The following SP2 variants were observed in gnomAD, a reference collection of about 807,000 sequenced individuals.
SP2 encodes transcription factor Sp2.
Under a neutral mutation model 50.1 loss-of-function variants are expected in SP2, and 9 were observed. The ratio of observed to expected loss-of-function variants is 0.18; its 90% CI spans 0.11 to 0.31. The LOEUF is 0.31. Among genes scored for constraint, SP2 ranks in the 10% least tolerant of loss-of-function variants. The probability of loss-of-function intolerance (pLI) is 1.00; values close to 1 mark genes in which losing one functional copy is unlikely to be tolerated. For synonymous variants in SP2, 313 were observed against 326.6 expected (o/e 0.96, Z 0.45); for missense variants, 581 against 806.5 (o/e 0.72, Z 3.39).
intron 1 of SP2, chr17:47,898,417 GC>G (rs1471226936): frequency 6.6e-6 from 1 of 152,192 alleles, no homozygotes; most frequent in Non-Finnish European, 1.5e-5. Flanking sequence ...TAGGTCTGTG[GC>G]AGATCCCAAG....
rs376159721 is a variant in SP2 at position 47,916,407 on chromosome 17, C to T, written c.336C>T (p.Phe112=). ...CCTATCCTGGAGGGCAGCTGGTGTT[C>T]GCTATCCAGAATCCCACCATGATCA... ...SASYPGGQLV[F]AIQNPTMINK... is the part of the protein sequence containing the mutation. The change falls in exon 3 of 7, where the codon TTC becomes TTT. Residue 112 remains phenylalanine (F), a synonymous_variant. Transcript: ENST00000376741. The surrounding 1 kb of genome is among the most constrained non-coding windows in gnomAD (Gnocchi z 4.7). The T allele has an allele frequency of 3.7e-6, 6 of 1,613,980 alleles. No individual in the cohort carries two copies. The highest frequency in any genetic ancestry group is 2.2e-5 in the South Asian group (2 of 91,088).
chr17:47,910,710 C>G (rs889900033), intron 1 of SP2, among the ~76,000 whole-genome samples: 1 of 152,132 alleles, frequency 6.6e-6, no homozygotes, highest in Non-Finnish European at 1.5e-5. Context: ...TTCTGCACAC[C>G]CATCCTGTAG....
intron 1 of SP2, among the ~76,000 whole-genome samples, chr17:47,906,096 G>C (rs1267473455): frequency 6.6e-6 from 1 of 152,186 alleles, no homozygotes; most frequent in African/African-American, 2.4e-5. Flanking sequence ...ACTTTAAAAA[G>C]AGCCTTCTAA....
chr17:47,927,617 A>G, intron 6 of SP2, 107 bp from the exon 7 acceptor site: 3 of 647,700 alleles, frequency 4.6e-6, no homozygotes, highest in South Asian at 1.8e-5. Flanking sequence ...TGTGGTGACA[A>G]GGCCATGTCA....
intron 1 of SP2, among the ~76,000 whole-genome samples, chr17:47,914,298 G>A (rs2035102731): frequency 6.6e-6 from 1 of 151,990 alleles, no homozygotes; most frequent in African/African-American, 2.4e-5. Flanking sequence ...TTGAACCTGG[G>A]AGGTGGAGGT....
chr17:47,918,155 G>A (rs1022128242), intron 3 of SP2, among the ~76,000 whole-genome samples: 3 of 151,928 alleles, frequency 2.0e-5, no homozygotes, highest in Admixed American at 2.0e-4. Context: ...CTGCCATCGA[G>A]GAATGTATGA....
In SP2 at chr17:47,912,824, C is replaced by T. The variant is rs371143468; in HGVS notation, c.8-2488C>T. On this transcript the variant is annotated intron_variant, in intron 1 of 6. Transcript: ENST00000376741. ...AGCCTGAGGCCAGCCAAAATGTGAA[C>T]GGTTCTGCTTTCCCAATATGTATCC... Among the ~76,000 whole-genome samples the T allele has an allele frequency of 1.2e-4, 19 of 152,058 alleles. 1 individual carries two copies. Among genetic ancestry groups the T allele is most frequent in the East Asian group, 1.2e-3 (6 of 5,174 alleles).
chr17:47,917,046 G>A lies in SP2; in HGVS notation c.975G>A (p.Gln325=). 1.2e-6 allele frequency: 2 copies of A among 1,614,056 alleles called. No individual in the cohort carries two copies. Among genetic ancestry groups the A allele is most frequent in the South Asian group, 2.2e-5 (2 of 91,088 alleles). The part of the protein sequence containing the change: ...QIPQQALRVV[Q]AASATLPTVP... ...CCCAGCAGGCTCTGCGGGTGGTGCAGGCGGCATCTGCCACCCTCCCCACTG... is the reference window on the plus strand; with the variant it reads ...CCCAGCAGGCTCTGCGGGTGGTGCAAGCGGCATCTGCCACCCTCCCCACTG... The change falls in exon 3 of 7, where the codon CAG becomes CAA. Residue 325 remains glutamine (Q), a synonymous_variant. Transcript: ENST00000376741.
At chr17:47,898,033 C>T in intron 1 of SP2, 1 of 223,340 alleles carries the variant, frequency 4.5e-6, no homozygotes. Context: ...ATTATGAACC[C>T]CCCTGAGCTA....
intron 6 of SP2, 70 bp from the exon 7 acceptor site, chr17:47,927,654 C>T: frequency 9.5e-7 from 1 of 1,056,422 alleles, no homozygotes; most frequent in Non-Finnish European, 1.4e-6. Context: ...CTCACACGCA[C>T]CCCACCTTTT....
intron 1 of SP2, among the ~76,000 whole-genome samples, chr17:47,907,797 T>A (rs758876862): frequency 6.6e-6 from 1 of 152,236 alleles, no homozygotes; most frequent in Non-Finnish European, 1.5e-5. Context: ...AAGTTAAGCA[T>A]AATTTATGTC....
rs141856390 is a variant in SP2, at chr17:47,919,825, C to CTTTTTTTTTTTTTTTTTTTTTTTTTTT, written c.1059+2717_1059+2718insTTTTTTTTTTTTTTTTTTTTTTTTTTT. Among the ~76,000 whole-genome samples the CTTTTTTTTTTTTTTTTTTTTTTTTTTT allele has an allele frequency of 5.3e-5, 5 of 94,802 alleles. 1 individual carries two copies. The highest frequency in any genetic ancestry group is 4.2e-5 in the African/African-American group (1 of 23,766). The allele number at this position is 94,802 out of a possible 152,430, so 62.2% of individuals were successfully genotyped here. On this transcript the variant is annotated intron_variant, in intron 3 of 6. Transcript: ENST00000376741. ...TTTGATCTGAAACACTTTGTCATTC[C>CTTTTTTTTTTTTTTTTTTTTTTTTTTT]TTTTTTTTTTTTTTTTTTTTTTCTG...
chr17:47,923,108 A>G lies in SP2; in HGVS notation c.1206A>G (p.Ser402=), dbSNP rs2035523864. Reference sequence around the variant, plus strand: ...TGAGTGGGACCAGCAAAAAGCACTCAGCTGCAATTCTCCGAAAAGAGCGTC... The same window carrying G: ...TGAGTGGGACCAGCAAAAAGCACTCGGCTGCAATTCTCCGAAAAGAGCGTC... ...PHLSGTSKKH[S]AAILRKERPL... Residue 402 remains serine (S), a synonymous_variant, in exon 4 of 7, where the codon TCA becomes TCG. Transcript: ENST00000376741. 6.2e-7 allele frequency: 1 copy of G among 1,614,268 alleles called. No individual in the cohort carries two copies. The highest frequency in any genetic ancestry group is 1.1e-5 in the South Asian group (1 of 91,088).
chr17:47,897,849 T>C, intron 1 of SP2: 1 of 985,392 alleles, frequency 1.0e-6, no homozygotes, highest in Non-Finnish European at 1.2e-6. Flanking sequence ...TCAATTGGGC[T>C]GATGATGTCA....
At chr17:47,897,826 A>C in intron 1 of SP2, 1 of 984,496 alleles carries the variant, frequency 1.0e-6, no homozygotes, top group Non-Finnish European at 1.2e-6. Flanking sequence ...GGGCGAATCT[A>C]TCAGACAACC....
At chr17:47,903,321 T>G (rs1248789307) in intron 1 of SP2, among the ~76,000 whole-genome samples, 1 of 152,168 alleles carries the variant, frequency 6.6e-6, no homozygotes, top group African/African-American at 2.4e-5. Flanking sequence ...ATGGGAGAAG[T>G]TAGCCAGAGA....
chr17:47,912,167 G>A (rs1361515930), intron 1 of SP2, among the ~76,000 whole-genome samples: 1 of 152,100 alleles, frequency 6.6e-6, no homozygotes, highest in Admixed American at 6.6e-5. Flanking sequence ...TATTCCTTGT[G>A]GTCACTCCTT....
At chr17:47,901,449 T>TTTTTTTG (rs1327075620) in intron 1 of SP2, among the ~76,000 whole-genome samples, 5 of 151,396 alleles carry the variant, frequency 3.3e-5, no homozygotes. Context: ...CTGGCTTTGT[T>TTTTTTTG]TTTTTTGTTT....
In SP2 at chr17:47,925,450, T is replaced by C; in HGVS notation, c.1650T>C (p.Thr550=). ...SLLRAHVRLH[T]GERPFVCNWF... Reference sequence around the variant, plus strand: ...TGCGTGCCCATGTGCGCCTGCACACTGGCGAGCGGCCCTTTGTCTGCAACT... The same window carrying C: ...TGCGTGCCCATGTGCGCCTGCACACCGGCGAGCGGCCCTTTGTCTGCAACT... Residue 550 remains threonine (T), a synonymous_variant, in exon 6 of 7, where the codon ACT becomes ACC. Transcript: ENST00000376741. 1 of 1,614,216 alleles carries C rather than the reference T, an allele frequency of 6.2e-7. No homozygotes were observed. Among genetic ancestry groups the C allele is most frequent in the South Asian group, 1.1e-5 (1 of 91,090 alleles).
Sources: gnomAD v4.1 joint callset for allele counts (sites outside exome capture counted in the v4.1 genomes callset) on GRCh38, gnomAD v4.1.1 for gene constraint, Gnocchi (gnomAD v3.1) non-coding constraint, MANE v1.5 for transcripts, NCBI Gene and HGNC (gene_info 2026-07-23, HGNC 2026-07-21) for gene names.